COG5: variants seen among roughly 807,000 people sequenced by gnomAD.
COG5 encodes conserved oligomeric Golgi complex subunit 5.
A neutral mutation model predicts 110.4 loss-of-function variants in COG5; 86 were observed. The observed-to-expected ratio is 0.78, with a 90% CI of 0.65 to 0.93. The LOEUF is 0.93. Among genes scored for constraint, COG5 ranks in the 40% least tolerant of loss-of-function variants. The pLI is 0.00. For missense variants in COG5, 1,077 were observed against 987.0 expected, an observed-to-expected ratio of 1.09 and a Z score of -1.22; for synonymous variants, 360 against 334.6, an observed-to-expected ratio of 1.08 and a Z score of -0.83.
intron 5 of COG5, among the ~76,000 whole-genome samples, chr7:107,536,022 A>C (rs868074489): frequency 5.3e-5 from 8 of 152,194 alleles, no homozygotes; most frequent in Non-Finnish European, 1.2e-4. Flanking sequence ...CAATAAACAT[A>C]ATCCATCACA....
intron 6 of COG5, among the ~76,000 whole-genome samples, chr7:107,521,255 C>T (rs1365299173): frequency 3.9e-5 from 6 of 152,072 alleles, no homozygotes; most frequent in Non-Finnish European, 7.4e-5. Flanking sequence ...ATGATGAAAA[C>T]GCCAAAAGCA....
At chr7:107,381,831 A>C (rs181378886) in intron 7 of COG5, among the ~76,000 whole-genome samples, 113 of 152,284 alleles carry the variant, frequency 7.4e-4, no homozygotes, top group African/African-American at 2.6e-3. Flanking sequence ...AGAGTCAAGG[A>C]AACTTATTTT....
intron 5 of COG5, among the ~76,000 whole-genome samples, chr7:107,533,707 G>A (rs545252307): frequency 6.6e-6 from 1 of 151,616 alleles, no homozygotes; most frequent in Non-Finnish European, 1.5e-5. Context: ...ACCCGAAAGC[G>A]ATGGGGAGAA....
chr7:107,388,633 C>T (rs1167931790), intron 7 of COG5, among the ~76,000 whole-genome samples: 1 of 152,210 alleles, frequency 6.6e-6, no homozygotes, highest in Non-Finnish European at 1.5e-5. Context: ...AAATTTCAAT[C>T]AGCTGTAGAA....
chr7:107,201,453 A>G lies in COG5; in HGVS notation c.*2063T>C, dbSNP rs1798296066. On this transcript the variant is annotated 3_prime_UTR_variant, in exon 22 of 22. Coordinates refer to ENST00000297135, the MANE Select transcript of COG5 (RefSeq NM_006348.5). ...TTAAACCAGGATGCTTATGTTCTTAAGTCTATATTTGCATATACATTGACT... is the reference window on the plus strand; with the variant it reads ...TTAAACCAGGATGCTTATGTTCTTAGGTCTATATTTGCATATACATTGACT... The G allele has an allele frequency of 2.0e-6, 3 of 1,525,948 alleles. No homozygotes were observed. The highest frequency in any genetic ancestry group is 2.7e-6 in the Non-Finnish European group (3 of 1,102,112). The allele number at this position is 1,525,948 out of a possible 1,614,324, so 94.5% of individuals were successfully genotyped here. A position where few individuals can be genotyped will look rare whatever the true frequency, so the allele number is the denominator to read the frequency against.
At chr7:107,547,865 A>G (rs1802561075) in intron 5 of COG5, 1 of 465,540 alleles carries the variant, frequency 2.1e-6, no homozygotes, top group Non-Finnish European at 3.8e-6. Context: ...TAAAACATTG[A>G]TGAAAGAAAT....
At chr7:107,509,653 G>T (rs1373880143) in intron 6 of COG5, among the ~76,000 whole-genome samples, 3 of 152,144 alleles carry the variant, frequency 2.0e-5, no homozygotes, top group Non-Finnish European at 4.4e-5. Context: ...AGAGAGAAAG[G>T]TCGGGTTACC....
chr7:107,487,623 G>T (rs1001242990), intron 6 of COG5, among the ~76,000 whole-genome samples: 2 of 151,304 alleles, frequency 1.3e-5, no homozygotes, highest in Non-Finnish European at 2.9e-5. Flanking sequence ...CATGACCTTT[G>T]ACCAAGAAAT....
intron 6 of COG5, among the ~76,000 whole-genome samples, chr7:107,436,792 A>T (rs1227912583): frequency 6.6e-6 from 1 of 152,238 alleles, no homozygotes; most frequent in Non-Finnish European, 1.5e-5. Context: ...GAATTAAAGC[A>T]GAGTTGGATC....
intron 11 of COG5, among the ~76,000 whole-genome samples, chr7:107,298,843 T>C (rs1806994540): frequency 1.3e-5 from 2 of 152,142 alleles, no homozygotes; most frequent in Non-Finnish European, 2.9e-5. Flanking sequence ...GCTTGTTCTC[T>C]AACCAAAATA....
At chr7:107,332,907 A>G (rs571838573) in intron 10 of COG5, among the ~76,000 whole-genome samples, 2 of 152,270 alleles carry the variant, frequency 1.3e-5, no homozygotes, top group African/African-American at 4.8e-5. Context: ...GTGGAATCAA[A>G]AAACAAAAGT....
intron 6 of COG5, among the ~76,000 whole-genome samples, chr7:107,413,608 A>G (rs1792476102): frequency 6.6e-6 from 1 of 151,862 alleles, no homozygotes; most frequent in Non-Finnish European, 1.5e-5. Flanking sequence ...ACAGAAGAAT[A>G]GAGGGATTAT....
chr7:107,316,468 C>T (rs1417725401), intron 11 of COG5, among the ~76,000 whole-genome samples: 2 of 151,618 alleles, frequency 1.3e-5, no homozygotes. Flanking sequence ...CCTAATGACC[C>T]AGGAGATAAA....
In COG5 at chr7:107,474,558, T is replaced by G. The variant is rs759296424; in HGVS notation, c.538+52679A>C. 1 of 1,610,802 alleles carries G rather than the reference T, an allele frequency of 6.2e-7. No homozygotes were observed. Among genetic ancestry groups the G allele is most frequent in the South Asian group, 1.1e-5 (1 of 90,620 alleles). On this transcript the variant is annotated intron_variant, in intron 6 of 21. Coordinates refer to ENST00000297135, the MANE Select transcript of COG5 (RefSeq NM_006348.5). The surrounding 1 kb of genome is among the most constrained non-coding windows in gnomAD (Gnocchi z 5.7). ...TAATGTTAATGATATCCATTTGGAT[T>G]TTTTCTTTTTTCTCTTTCCTGATTC...
At chr7:107,352,121 A>G (rs1342145561) in intron 10 of COG5, among the ~76,000 whole-genome samples, 32 of 148,610 alleles carry the variant, frequency 2.2e-4, no homozygotes, top group African/African-American at 7.6e-4. Context: ...ATGGAATACT[A>G]TGCAGCCATA....
intron 6 of COG5, among the ~76,000 whole-genome samples, chr7:107,463,838 G>A (rs1401095517): frequency 2.0e-5 from 3 of 152,108 alleles, no homozygotes; most frequent in East Asian, 1.9e-4. Context: ...CCAGGGTGAC[G>A]CTGTGCTCCT....
At position 107,203,231 on chromosome 7, in the gene COG5, A is replaced by C. The variant is rs1362235339; in HGVS notation, c.*285T>G. 1 of 437,828 alleles carries C rather than the reference A, an allele frequency of 2.3e-6. No homozygotes were observed. Among genetic ancestry groups the C allele is most frequent in the East Asian group, 4.8e-5 (1 of 20,684 alleles). 27.1% of individuals were successfully genotyped at this position (437,828 alleles called of 1,614,324 possible). On this transcript the variant is annotated 3_prime_UTR_variant, in exon 22 of 22. Transcript: ENST00000297135. ...TTTGGGTTTATGTACCCATAGGAGGACTTGGTTATGGATGGGAAAGACATT... is the reference window on the plus strand; with the variant it reads ...TTTGGGTTTATGTACCCATAGGAGGCCTTGGTTATGGATGGGAAAGACATT...
At chr7:107,489,459 C>T (rs1461240780) in intron 6 of COG5, among the ~76,000 whole-genome samples, 2 of 152,104 alleles carry the variant, frequency 1.3e-5, no homozygotes, top group Non-Finnish European at 2.9e-5. Context: ...TAACCCTACC[C>T]AAATTTTACT....
intron 16 of COG5, among the ~76,000 whole-genome samples, chr7:107,254,296 C>T (rs556166176): frequency 6.6e-6 from 1 of 152,226 alleles, no homozygotes. Flanking sequence ...GGCATTTATA[C>T]ATCGTAACTC....
Sources: gnomAD v4.1 joint callset for allele counts (sites outside exome capture counted in the v4.1 genomes callset) on GRCh38, gnomAD v4.1.1 for gene constraint, Gnocchi (gnomAD v3.1) non-coding constraint, MANE v1.5 for transcripts, NCBI Gene and HGNC (gene_info 2026-07-23, HGNC 2026-07-21) for gene names.